Variants in PTGR3 observed in about 807,000 individuals in gnomAD.
PTGR3 encodes zinc binding alcohol dehydrogenase domain containing 2.
At chr18:75,201,528 C>A in the PTGR3 span, 1 of 1,614,156 alleles carries the variant, frequency 6.2e-7, no homozygotes, top group South Asian at 1.1e-5. Context: ...AGTAAACCTG[C>A]CCTCTGGAGA....
the PTGR3 span, chr18:75,201,538 AC>A: frequency 6.2e-7 from 1 of 1,614,154 alleles, no homozygotes. Context: ...CCCTCTGGAG[AC>A]AGATCTCCAA....
At chr18:75,201,609 G>A in the PTGR3 span, 2 of 1,614,182 alleles carry the variant, frequency 1.2e-6, no homozygotes, top group African/African-American at 1.3e-5. Flanking sequence ...GCTCATGGCT[G>A]CTTGATACTT....
At chr18:75,205,059 G>A in the PTGR3 span, 1 of 772,154 alleles carries the variant, frequency 1.3e-6, no homozygotes. Context: ...GGCTCCTCGC[G>A]CCGCGCTGTC....
chr18:75,206,019 G>A, the PTGR3 span, among the ~76,000 whole-genome samples: 1 of 152,150 alleles, frequency 6.6e-6, no homozygotes, highest in South Asian at 2.1e-4. Flanking sequence ...TACGAAAAAA[G>A]CTGAAAATAG....
chr18:75,197,526 C>A, the PTGR3 span: 1 of 152,124 alleles, frequency 6.6e-6, no homozygotes, highest in Non-Finnish European at 1.5e-5. Context: ...ACCAAAGTGA[C>A]CACACCAACC....
At chr18:75,196,711 T>C in the PTGR3 span, 2 of 149,938 alleles carry the variant, frequency 1.3e-5, no homozygotes, top group African/African-American at 4.9e-5. Flanking sequence ...ATTGGTTTTC[T>C]CCAAACTGTG....
the PTGR3 span, chr18:75,205,646 G>C: frequency 3.9e-6 from 1 of 257,982 alleles, no homozygotes; most frequent in South Asian, 1.4e-4. Flanking sequence ...CAAAGGCGAG[G>C]ATTCAAGTCC....
chr18:75,203,316 G>A, the PTGR3 span, among the ~76,000 whole-genome samples: 3 of 152,094 alleles, frequency 2.0e-5, no homozygotes, highest in Non-Finnish European at 1.5e-5. Flanking sequence ...GACACATAAT[G>A]GAAGACCCTA....
At chr18:75,202,191 G>A in the PTGR3 span, 1 of 1,614,032 alleles carries the variant, frequency 6.2e-7, no homozygotes, top group Non-Finnish European at 8.5e-7. Context: ...GTAAGCCACA[G>A]CTTGGCCAAC....
chr18:75,208,884 G>C, the PTGR3 span: 2 of 1,546,682 alleles, frequency 1.3e-6, no homozygotes, highest in African/African-American at 2.8e-5. Context: ...TCCCCGGGGA[G>C]CGGCACCGGG....
the PTGR3 span, among the ~76,000 whole-genome samples, chr18:75,206,866 C>T: frequency 6.6e-6 from 1 of 152,198 alleles, no homozygotes; most frequent in Non-Finnish European, 1.5e-5. Context: ...CGCGTTCTGA[C>T]CACAAAATTC....
chr18:75,204,151 C>T, the PTGR3 span, among the ~76,000 whole-genome samples: 2 of 152,240 alleles, frequency 1.3e-5, no homozygotes, highest in Admixed American at 6.5e-5. Flanking sequence ...GCAGGGAGAC[C>T]CCGCCTTGGG....
At chr18:75,202,013 T>C in the PTGR3 span, 2 of 1,614,198 alleles carry the variant, frequency 1.2e-6, no homozygotes, top group South Asian at 2.2e-5. Context: ...CAGCTGCTGC[T>C]GTCACCAAAA....
chr18:75,203,953 G>A, the PTGR3 span, among the ~76,000 whole-genome samples: 1 of 152,244 alleles, frequency 6.6e-6, no homozygotes, highest in Non-Finnish European at 1.5e-5. Context: ...GCAAACTCCA[G>A]GAAAGGTGCC....
At chr18:75,205,174 G>A in the PTGR3 span, 5 of 985,382 alleles carry the variant, frequency 5.1e-6, no homozygotes, top group Non-Finnish European at 6.0e-6. Context: ...CACAGCCCGG[G>A]ACCCGCCTGA....
the PTGR3 span, chr18:75,205,324 A>G: frequency 1.0e-6 from 1 of 985,926 alleles, no homozygotes; most frequent in African/African-American, 1.7e-5. Context: ...CAGAAAGACA[A>G]GAAAGACACA....
the PTGR3 span, chr18:75,196,000 C>T: frequency 6.6e-6 from 1 of 152,308 alleles, no homozygotes; most frequent in South Asian, 2.1e-4. Flanking sequence ...TTTCTGCTGG[C>T]AACCATGGAC....
the PTGR3 span, among the ~76,000 whole-genome samples, chr18:75,204,513 C>T: frequency 1.1e-3 from 169 of 152,336 alleles, 2 homozygotes; most frequent in Non-Finnish European, 2.0e-3. Flanking sequence ...AGGGCAAGCG[C>T]TGGAGCGGTG....
At chr18:75,200,954 T>G in the PTGR3 span, 1 of 153,542 alleles carries the variant, frequency 6.5e-6, no homozygotes. Context: ...AGGATATAGA[T>G]TCTGAAAATA....
Sources: allele counts gnomAD v4.1 joint callset (sites outside exome capture counted in the v4.1 genomes callset), GRCh38; gene constraint gnomAD v4.1.1; transcripts MANE v1.5; gene names NCBI Gene and HGNC (gene_info 2026-07-23, HGNC 2026-07-21).